The following LARP4B variants were observed in gnomAD, a reference collection of about 807,000 sequenced individuals.
LARP4B encodes la-related protein 4B.
Under a neutral mutation model 89.8 loss-of-function variants are expected in LARP4B, and 12 were observed. The observed-to-expected ratio is 0.13, with a 90% confidence interval of 0.09 to 0.22. The LOEUF (loss-of-function observed/expected upper bound fraction) is 0.22. Ranked by LOEUF, LARP4B falls within the 10% of genes least tolerant of loss-of-function variation. The probability of loss-of-function intolerance (pLI) is 1.00; values close to 1 mark genes in which losing one functional copy is unlikely to be tolerated. For missense variants in LARP4B, 757 were observed against 947.7 expected, an observed-to-expected ratio of 0.80 and a Z score of 2.64; for synonymous variants, 367 against 363.3, an observed-to-expected ratio of 1.01 and a Z score of -0.12.
intron 9 of LARP4B, among the ~76,000 whole-genome samples, chr10:830,317 C>T (rs1832836666): frequency 6.6e-6 from 1 of 152,178 alleles, no homozygotes; most frequent in South Asian, 2.1e-4. Flanking sequence ...CCCTTTTCCC[C>T]CTCCATCCAA....
chr10:988,332 CG>C, the LARP4B span: 1 of 670,864 alleles, frequency 1.5e-6, no homozygotes, highest in East Asian at 2.8e-5. Flanking sequence ...CGCTGTGCGA[CG>C]CGGAAAGCGC....
At chr10:951,690 A>T in the LARP4B span, among the ~76,000 whole-genome samples, 3 of 152,380 alleles carry the variant, frequency 2.0e-5, no homozygotes, top group Admixed American at 1.3e-4. Flanking sequence ...TGCCACTAGG[A>T]GCCACAGATA....
the LARP4B span, among the ~76,000 whole-genome samples, chr10:937,266 C>G: frequency 2.0e-5 from 3 of 152,154 alleles, no homozygotes; most frequent in South Asian, 6.2e-4. Flanking sequence ...TGGTCTCGAA[C>G]TCCTGGGCTG....
chr10:820,924 A>C (rs1014719393), intron 13 of LARP4B, 79 bp from the exon 14 acceptor site: 8 of 1,227,490 alleles, frequency 6.5e-6, no homozygotes, highest in Non-Finnish European at 8.3e-6. Context: ...GCACTCACAT[A>C]ATCAAAGTAC....
the LARP4B span, among the ~76,000 whole-genome samples, chr10:975,269 C>T: frequency 2.0e-5 from 3 of 152,226 alleles, no homozygotes; most frequent in Non-Finnish European, 2.9e-5. Context: ...ATTCTCCTGA[C>T]GGCATCCACC....
At chr10:964,261 T>G in the LARP4B span, among the ~76,000 whole-genome samples, 1 of 152,168 alleles carries the variant, frequency 6.6e-6, no homozygotes, top group Non-Finnish European at 1.5e-5. Flanking sequence ...GAGATGGGGT[T>G]TCACCATGTT....
chr10:835,910 G>A (rs1218060846), intron 8 of LARP4B, among the ~76,000 whole-genome samples: 2 of 150,102 alleles, frequency 1.3e-5, no homozygotes, highest in Admixed American at 6.6e-5. Context: ...TCCAGCCTGG[G>A]CAACAGAGCA....
chr10:869,128 C>T (rs913885195), intron 3 of LARP4B, among the ~76,000 whole-genome samples: 13 of 152,106 alleles, frequency 8.5e-5, no homozygotes, highest in African/African-American at 3.1e-4. Flanking sequence ...AAAGAAAGAG[C>T]TCCACAGTAA....
At position 897,210 on chromosome 10, in the gene LARP4B, C is replaced by G. The variant is rs933391908; in HGVS notation, c.-39-11450G>C. The stretch of plus-strand genomic sequence containing the variant: ...GATCAATACAATAGAAACGAGAGTC[C>G]AGAAAGAAACCGTTACATTTATAGA... On this transcript the variant is annotated intron_variant, in intron 1 of 17. Coordinates refer to ENST00000316157, the MANE Select transcript of LARP4B (RefSeq NM_015155.3). 4.6e-5 allele frequency among the ~76,000 whole-genome samples: 7 copies of G among 152,180 alleles called. 1 individual carries two copies. In the South Asian group the frequency reaches 1.2e-3, roughly 27 times the overall value.
At chr10:977,957 A>G in the LARP4B span, among the ~76,000 whole-genome samples, 4 of 152,136 alleles carry the variant, frequency 2.6e-5, no homozygotes, top group Admixed American at 2.0e-4. Context: ...GCCACACTTT[A>G]AAAGTGAGCC....
At chr10:964,834 C>T in the LARP4B span, among the ~76,000 whole-genome samples, 2 of 152,116 alleles carry the variant, frequency 1.3e-5, no homozygotes, top group African/African-American at 2.4e-5. Context: ...TTGTCATGGG[C>T]GTAGACAGCT....
the LARP4B span, among the ~76,000 whole-genome samples, chr10:979,995 T>C: frequency 2.6e-5 from 4 of 152,264 alleles, no homozygotes; most frequent in African/African-American, 4.8e-5. Context: ...AGTGGAGATA[T>C]AGGCAGCATT....
At chr10:885,963 C>T (rs1835845250) in intron 1 of LARP4B, among the ~76,000 whole-genome samples, 1 of 152,024 alleles carries the variant, frequency 6.6e-6, no homozygotes, top group South Asian at 2.1e-4. Flanking sequence ...TTCTTCACAC[C>T]ATTTTGGTGA....
At chr10:953,633 G>C in the LARP4B span, among the ~76,000 whole-genome samples, 2 of 151,846 alleles carry the variant, frequency 1.3e-5, no homozygotes, top group Non-Finnish European at 1.5e-5. Context: ...CACCAGCCCA[G>C]AACCAACTGC....
At chr10:865,337 C>T (rs767207511) in intron 3 of LARP4B, among the ~76,000 whole-genome samples, 5 of 152,174 alleles carry the variant, frequency 3.3e-5, no homozygotes, top group African/African-American at 9.7e-5. Context: ...CCAAGCTCAT[C>T]GGCCATCATG....
chr10:822,888 G>A lies in LARP4B; in HGVS notation c.1485-2043C>T, dbSNP rs895793495. Reference sequence around the variant, plus strand: ...TGCCATGGCCGCCATGCAAGGGTAGGGACATGTGTCTGGACTCTGGTAAGG... The same window carrying A: ...TGCCATGGCCGCCATGCAAGGGTAGAGACATGTGTCTGGACTCTGGTAAGG... On this transcript the variant is annotated intron_variant, in intron 13 of 17. Coordinates refer to ENST00000316157, the MANE Select transcript of LARP4B (RefSeq NM_015155.3). The surrounding 1 kb of genome is among the most constrained non-coding windows in gnomAD (Gnocchi z 4.6). Among the ~76,000 whole-genome samples, 1 of 152,188 alleles carries A rather than the reference G, an allele frequency of 6.6e-6. No individual in the cohort carries two copies.
chr10:824,990 AC>A, intron 13 of LARP4B, 74 bp downstream of exon 13: 2 of 1,386,258 alleles, frequency 1.4e-6, no homozygotes, highest in Non-Finnish European at 1.9e-6. Flanking sequence ...AAAGACAATT[AC>A]AAAACATATC....
intron 1 of LARP4B, among the ~76,000 whole-genome samples, chr10:919,416 T>C (rs1836919404): frequency 6.6e-6 from 1 of 152,148 alleles, no homozygotes. Context: ...CTGTTCTTCC[T>C]GTATTGGATG....
chr10:980,614 G>T, the LARP4B span, among the ~76,000 whole-genome samples: 1 of 152,162 alleles, frequency 6.6e-6, no homozygotes, highest in Non-Finnish European at 1.5e-5. Context: ...GGGCCCCTTT[G>T]AACCACGGCT....
Sources: allele counts gnomAD v4.1 joint callset (sites outside exome capture counted in the v4.1 genomes callset), GRCh38; gene constraint gnomAD v4.1.1; non-coding constraint Gnocchi (gnomAD v3.1); transcripts MANE v1.5; gene names NCBI Gene and HGNC (gene_info 2026-07-23, HGNC 2026-07-21).